Variants in HS6ST2 observed in about 807,000 individuals in gnomAD.
HS6ST2 encodes the protein heparan-sulfate 6-O-sulfotransferase 2.
HS6ST2 carries 17 observed loss-of-function variants against 33.0 expected under a neutral mutation model. The ratio of observed to expected loss-of-function variants is 0.52; its 90% CI spans 0.35 to 0.77. The LOEUF (loss-of-function observed/expected upper bound fraction) is 0.77, where lower values mean the gene tolerates loss of function less well. Among genes scored for constraint, HS6ST2 ranks in the 30% least tolerant of loss-of-function variants. The pLI is 0.01. For missense variants in HS6ST2, 519 were observed against 551.7 expected (o/e 0.94, Z 0.59); for synonymous variants, 248 against 237.1 (o/e 1.05, Z -0.42).
intron 2 of HS6ST2, among the ~76,000 whole-genome samples, chrX:132,795,638 C>T (rs1405263341): frequency 9.0e-6 from 1 of 111,508 alleles, no homozygotes; most frequent in African/African-American, 3.3e-5. Flanking sequence ...CAGAGTTTCA[C>T]TGTGTCCCTC....
chrX:132,740,672 CT>C (rs36110669), intron 2 of HS6ST2, among the ~76,000 whole-genome samples: 72 of 104,796 alleles, frequency 6.9e-4, no homozygotes, highest in Non-Finnish European at 1.0e-3. Flanking sequence ...AAATTCAGGA[CT>C]TTTTTTTTTT....
intron 2 of HS6ST2, among the ~76,000 whole-genome samples, chrX:132,871,766 C>T (rs750835817): frequency 3.2e-4 from 29 of 90,372 alleles, no homozygotes; most frequent in Non-Finnish European, 3.6e-4. Context: ...ACATAACTCA[C>T]GGGGGCCTGT....
intron 2 of HS6ST2, among the ~76,000 whole-genome samples, chrX:132,914,055 C>T (rs1456452305): frequency 8.9e-6 from 1 of 112,045 alleles, no homozygotes. Context: ...TACTGACTTA[C>T]TAAGTTACTA....
chrX:132,818,985 T>C (rs931350449), intron 2 of HS6ST2, among the ~76,000 whole-genome samples: 1 of 111,816 alleles, frequency 8.9e-6, no homozygotes, highest in Non-Finnish European at 1.9e-5. Flanking sequence ...TTATTTAAGA[T>C]GTATTTTCAA....
At chrX:132,887,090 G>C (rs1226001265) in intron 2 of HS6ST2, among the ~76,000 whole-genome samples, 1 of 109,932 alleles carries the variant, frequency 9.1e-6, no homozygotes, top group African/African-American at 3.3e-5. Flanking sequence ...GCTGAGATTA[G>C]GCCACTGCAC....
intron 2 of HS6ST2, among the ~76,000 whole-genome samples, chrX:132,843,572 CT>C (rs1162776481): frequency 4.5e-5 from 5 of 111,271 alleles, no homozygotes; most frequent in Non-Finnish European, 7.5e-5. Context: ...TTGGAGGAGG[CT>C]TTAGCAATCA....
At chrX:132,792,636 T>C (rs1465603877) in intron 2 of HS6ST2, among the ~76,000 whole-genome samples, 1 of 111,618 alleles carries the variant, frequency 9.0e-6, no homozygotes, top group East Asian at 2.8e-4. Context: ...AAACTTCATA[T>C]CCTTTAACTA....
In HS6ST2 at chrX:132,638,467, G is replaced by A. The variant is rs147618053; in HGVS notation, c.1068-9374C>T. Among the ~76,000 whole-genome samples, 12 of 111,900 alleles carry A rather than the reference G, an allele frequency of 1.1e-4. No individual in the cohort carries two copies. In the East Asian group the frequency reaches 3.4e-3, roughly 32 times the overall value. On this transcript the variant is annotated intron_variant, in intron 4 of 4. Transcript: ENST00000370833. Reference sequence around the variant, plus strand: ...TACTTTGAAGCAGACAGACGTGCCTGTAGATGTGTTGTTTTTGGCACATTT... The same window carrying A: ...TACTTTGAAGCAGACAGACGTGCCTATAGATGTGTTGTTTTTGGCACATTT...
At chrX:132,851,529 G>T (rs189243086) in intron 2 of HS6ST2, among the ~76,000 whole-genome samples, 2 of 112,571 alleles carry the variant, frequency 1.8e-5, no homozygotes, top group East Asian at 2.8e-4. Flanking sequence ...CACATAGCAA[G>T]AACTTAATTG....
At chrX:132,958,727 G>C (rs967264406), upstream of HS6ST2, 31 of 636,449 alleles carry the variant, frequency 4.9e-5, no homozygotes, top group Non-Finnish European at 6.6e-5. Flanking sequence ...TCTTTTCTTG[G>C]AGTACGGAGG....
chrX:132,774,955 A>G (rs2079381983), intron 2 of HS6ST2, among the ~76,000 whole-genome samples: 1 of 111,078 alleles, frequency 9.0e-6, no homozygotes, highest in Admixed American at 9.6e-5. Context: ...TGCTGGGATT[A>G]CAAGCGTGAG....
At chrX:132,960,070 A>T (rs952099372), upstream of HS6ST2, among the ~76,000 whole-genome samples, 3 of 112,247 alleles carry the variant, frequency 2.7e-5, no homozygotes, top group East Asian at 8.5e-4. Context: ...CACTCCAGGC[A>T]TCTCCTGTCC....
chrX:132,835,959 T>A (rs1188171331), intron 2 of HS6ST2, among the ~76,000 whole-genome samples: 1 of 111,650 alleles, frequency 9.0e-6, no homozygotes, highest in Admixed American at 9.5e-5. Context: ...TACTTTCCTG[T>A]TTCGATGCCT....
At chrX:132,637,875 A>AAT (rs1491329153) in intron 4 of HS6ST2, among the ~76,000 whole-genome samples, 5 of 37,033 alleles carry the variant, frequency 1.4e-4, no homozygotes, top group East Asian at 8.6e-4. Flanking sequence ...TATTATATAT[A>AAT]ATATATATAT....
chrX:132,928,554 T>A (rs2066732536), intron 2 of HS6ST2, among the ~76,000 whole-genome samples: 1 of 110,827 alleles, frequency 9.0e-6, no homozygotes, highest in South Asian at 3.9e-4. Flanking sequence ...TATTGTGGAT[T>A]ACATTTCAAC....
chrX:132,844,559 G>T (rs1171942819), intron 2 of HS6ST2, among the ~76,000 whole-genome samples: 3 of 110,619 alleles, frequency 2.7e-5, no homozygotes, highest in Non-Finnish European at 3.8e-5. Flanking sequence ...TTCCAAATGG[G>T]GTGCTCTACC....
chrX:132,846,534 T>C (rs906052074), intron 2 of HS6ST2, among the ~76,000 whole-genome samples: 4 of 111,831 alleles, frequency 3.6e-5, no homozygotes, highest in African/African-American at 1.3e-4. Flanking sequence ...AAGAACTTTT[T>C]CCTTAAAACA....
chrX:132,787,602 A>G (rs1392910662), intron 2 of HS6ST2, among the ~76,000 whole-genome samples: 2 of 103,453 alleles, frequency 1.9e-5, no homozygotes, highest in African/African-American at 3.5e-5. Context: ...TATATACTCC[A>G]AAGTATTTTT....
chrX:132,681,201 A>G (rs2063967862), intron 3 of HS6ST2, among the ~76,000 whole-genome samples: 1 of 111,768 alleles, frequency 8.9e-6, no homozygotes, highest in East Asian at 2.8e-4. Flanking sequence ...AGGAAGCAAC[A>G]TGTGCCAAAC....
Sources: allele counts gnomAD v4.1 joint callset (sites outside exome capture counted in the v4.1 genomes callset), GRCh38; gene constraint gnomAD v4.1.1; transcripts MANE v1.5; gene names NCBI Gene and HGNC (gene_info 2026-07-23, HGNC 2026-07-21).